CACNA2D2: variants seen among roughly 807,000 people sequenced by gnomAD.
The protein encoded by CACNA2D2 is calcium voltage-gated channel auxiliary subunit alpha2delta 2.
In CACNA2D2, 48 loss-of-function variants were observed where a neutral mutation model predicts 166.4. The ratio of observed to expected loss-of-function variants is 0.29; its 90% CI spans 0.23 to 0.37. The LOEUF is 0.37. Ranked by LOEUF, CACNA2D2 falls within the 10% of genes least tolerant of loss-of-function variation. CACNA2D2 has a pLI of 1.00. For missense variants in CACNA2D2, 1,122 were observed against 1,433.0 expected (o/e 0.78, Z 3.50); for synonymous variants, 561 against 573.7 (o/e 0.98, Z 0.32).
At position 50,366,326 on chromosome 3, in the gene CACNA2D2, C is replaced by T; in HGVS notation, c.2650G>A (p.Val884Ile). 6.2e-7 allele frequency: 1 copy of T among 1,614,066 alleles called. No homozygotes were observed. The highest frequency in any genetic ancestry group is 8.5e-7 in the Non-Finnish European group (1 of 1,179,986). Residue 884 changes from valine to isoleucine, a missense_variant, in exon 31 of 38, where the codon GTC becomes ATC. By Grantham distance (29) the Val-to-Ile change is conservative. Coordinates refer to ENST00000424201, the MANE Select transcript of CACNA2D2 (RefSeq NM_006030.4). This position sits in a 1 kb window ranked among gnomAD's most constrained non-coding sequence, Gnocchi z 5.9. ...AGGAATCCTCCATCATCAATGAGGACACAGAGTAAGTCCTAGGAGGAAGGG... is the reference window on the plus strand; with the variant it reads ...AGGAATCCTCCATCATCAATGAGGATACAGAGTAAGTCCTAGGAGGAAGGG... ...CEVNNEDLLCVLIDDGGFLVL... is the reference protein window; with the variant it reads ...CEVNNEDLLCILIDDGGFLVL...
intron 3 of CACNA2D2, among the ~76,000 whole-genome samples, chr3:50,395,936 C>T (rs1025737785): frequency 5.3e-5 from 8 of 152,188 alleles, no homozygotes; most frequent in Non-Finnish European, 7.4e-5. Context: ...CCCCACAGAG[C>T]TGGGCCCTCC....
chr3:50,404,292 T>C (rs1028430835), intron 3 of CACNA2D2, among the ~76,000 whole-genome samples: 2 of 152,024 alleles, frequency 1.3e-5, no homozygotes, highest in African/African-American at 2.4e-5. Context: ...GCCTCTGGGG[T>C]CTGAACTGCT....
At chr3:50,450,146 C>T (rs1035510929) in intron 2 of CACNA2D2, among the ~76,000 whole-genome samples, 2 of 152,212 alleles carry the variant, frequency 1.3e-5, no homozygotes, top group East Asian at 3.8e-4. Context: ...TCTTGATTTG[C>T]CCCCAAAATC....
At chr3:50,473,191 GA>G (rs1411334132) in intron 2 of CACNA2D2, among the ~76,000 whole-genome samples, 1 of 152,250 alleles carries the variant, frequency 6.6e-6, no homozygotes, top group Admixed American at 6.5e-5. Flanking sequence ...ACATGCCACA[GA>G]AGTATGCCAC....
intron 1 of CACNA2D2, among the ~76,000 whole-genome samples, chr3:50,502,500 G>A (rs1699018001): frequency 6.6e-6 from 1 of 152,248 alleles, no homozygotes; most frequent in Admixed American, 6.5e-5. Flanking sequence ...AAAACCTGCG[G>A]AGGCTGGCAG....
intron 1 of CACNA2D2, among the ~76,000 whole-genome samples, chr3:50,498,095 C>T (rs1448780939): frequency 1.3e-5 from 2 of 152,144 alleles, no homozygotes; most frequent in Admixed American, 6.5e-5. Context: ...GGCAAATCTC[C>T]GCACGGGAGT....
intron 2 of CACNA2D2, 27 bp from the exon 3 acceptor site, chr3:50,434,456 A>G: frequency 6.4e-7 from 1 of 1,554,288 alleles, no homozygotes; most frequent in Non-Finnish European, 8.9e-7. Context: ...GCCAGGGGTG[A>G]GACCAGGTGG....
intron 3 of CACNA2D2, among the ~76,000 whole-genome samples, chr3:50,428,142 G>A (rs932134629): frequency 6.6e-6 from 1 of 152,136 alleles, no homozygotes; most frequent in African/African-American, 2.4e-5. Context: ...AACATTTGGC[G>A]GTATTTAGAA....
At chr3:50,468,434 TGTGTGTGG>T (rs1431336866) in intron 2 of CACNA2D2, among the ~76,000 whole-genome samples, 3 of 147,698 alleles carry the variant, frequency 2.0e-5, no homozygotes, top group Non-Finnish European at 3.0e-5. Flanking sequence ...TGTGTGTGTG[TGTGTGTGG>T]CTTTAGGAAA....
At position 50,379,876 on chromosome 3, in the gene CACNA2D2, C is replaced by T. The variant is rs1705212747; in HGVS notation, c.894-52G>A. ...AGGAGCCAGGGGAACCTCACGTGTT[C>T]TCCTGCCCATCCCCCAAGATGTTCA... On this transcript the variant is annotated intron_variant, in intron 9 of 37. Coordinates refer to ENST00000424201, the MANE Select transcript of CACNA2D2 (RefSeq NM_006030.4). This position sits in a 1 kb window ranked among gnomAD's most constrained non-coding sequence, Gnocchi z 6.5. The T allele has an allele frequency of 1.9e-6, 3 of 1,612,376 alleles. No individual in the cohort carries two copies. Among genetic ancestry groups the T allele is most frequent in the African/African-American group, 1.3e-5 (1 of 74,910 alleles).
At chr3:50,394,450 G>C (rs1282773694) in intron 3 of CACNA2D2, among the ~76,000 whole-genome samples, 1 of 152,218 alleles carries the variant, frequency 6.6e-6, no homozygotes, top group African/African-American at 2.4e-5. Flanking sequence ...CCAAGCCCTA[G>C]TGTCACTCTC....
In CACNA2D2 at chr3:50,468,379, T is replaced by TTGTGTG. The variant is rs1559978358; in HGVS notation, c.288+7738_288+7739insCACACA. Among the ~76,000 whole-genome samples the TTGTGTG allele has an allele frequency of 7.7e-3, 533 of 68,906 alleles. 16 individuals carry two copies. The highest frequency in any genetic ancestry group is 0.024 in the African/African-American group (495 of 20,582). 45.2% of individuals were successfully genotyped at this position (68,906 alleles called of 152,430 possible). A position where few individuals can be genotyped will look rare whatever the true frequency, so the allele number is the denominator to read the frequency against. On this transcript the variant is annotated intron_variant, in intron 2 of 37. Transcript: ENST00000424201. ...AAGAGAACCAGCAAGTTCATCAGAATAGTGTGTGTGTGTGTGTGTGTGTGT... is the reference window on the plus strand; with the variant it reads ...AAGAGAACCAGCAAGTTCATCAGAATTGTGTGAGTGTGTGTGTGTGTGTGTGTGTGT...
intron 2 of CACNA2D2, among the ~76,000 whole-genome samples, chr3:50,465,059 C>T (rs1385156066): frequency 1.3e-5 from 2 of 152,232 alleles, no homozygotes; most frequent in Non-Finnish European, 2.9e-5. Context: ...GGAGTCCATA[C>T]TCCTGCTGGG....
chr3:50,498,404 C>T (rs2107185090), intron 1 of CACNA2D2, among the ~76,000 whole-genome samples: 1 of 152,312 alleles, frequency 6.6e-6, no homozygotes, highest in East Asian at 1.9e-4. Flanking sequence ...CATGAACAAC[C>T]CCCAGCCCCA....
intron 3 of CACNA2D2, among the ~76,000 whole-genome samples, chr3:50,399,280 T>C (rs1706319129): frequency 6.6e-6 from 1 of 152,224 alleles, no homozygotes; most frequent in African/African-American, 2.4e-5. Context: ...CAACTGCCCA[T>C]CAAACAGGAC....
At chr3:50,426,937 G>T (rs1707832745) in intron 3 of CACNA2D2, among the ~76,000 whole-genome samples, 1 of 152,160 alleles carries the variant, frequency 6.6e-6, no homozygotes, top group African/African-American at 2.4e-5. Context: ...TGTCTCCCTT[G>T]ACCTTCCCAG....
At chr3:50,396,098 C>T (rs553177695) in intron 3 of CACNA2D2, among the ~76,000 whole-genome samples, 9 of 152,176 alleles carry the variant, frequency 5.9e-5, no homozygotes, top group African/African-American at 1.2e-4. Context: ...CTCTCTACTC[C>T]GTGATGCCTC....
intron 6 of CACNA2D2, among the ~76,000 whole-genome samples, chr3:50,381,645 G>A (rs113284463): frequency 2.0e-5 from 3 of 151,986 alleles, no homozygotes; most frequent in African/African-American, 7.2e-5. Flanking sequence ...AAGCAAGCAG[G>A]GGTGGGGGCG....
At chr3:50,398,651 G>A (rs1198269531) in intron 3 of CACNA2D2, among the ~76,000 whole-genome samples, 5 of 152,160 alleles carry the variant, frequency 3.3e-5, no homozygotes, top group African/African-American at 1.2e-4. Context: ...GGTAAGGGCT[G>A]CCCATGGCGA....
Sources: gnomAD v4.1 joint callset for allele counts (sites outside exome capture counted in the v4.1 genomes callset) on GRCh38, gnomAD v4.1.1 for gene constraint, Gnocchi (gnomAD v3.1) non-coding constraint, MANE v1.5 for transcripts, NCBI Gene and HGNC (gene_info 2026-07-23, HGNC 2026-07-21) for gene names.